CFAP52: variants seen among roughly 807,000 people sequenced by gnomAD.
The protein encoded by CFAP52 is cilia and flagella associated protein 52, also known as cilia- and flagella-associated protein 52.
A neutral mutation model predicts 70.5 loss-of-function variants in CFAP52; 57 were observed. The ratio of observed to expected loss-of-function variants is 0.81; its 90% confidence interval spans 0.65 to 1.01. CFAP52 has a LOEUF of 1.01. Ranked by LOEUF, CFAP52 falls within the 50% of genes least tolerant of loss-of-function variation. The probability of loss-of-function intolerance (pLI) is 0.00; values close to 1 mark genes in which losing one functional copy is unlikely to be tolerated. For synonymous variants in CFAP52, 267 were observed against 292.5 expected (o/e 0.91, Z 0.89); for missense variants, 785 against 788.5 (o/e 1.00, Z 0.05).
chr17:9,592,898 T>A (rs1018557077), intron 3 of CFAP52, among the ~76,000 whole-genome samples: 2 of 152,206 alleles, frequency 1.3e-5, no homozygotes, highest in African/African-American at 4.8e-5. Context: ...AGTCTTTGAT[T>A]TTTGGTTCAT....
chr17:9,614,679 G>A (rs1229829265), intron 8 of CFAP52, among the ~76,000 whole-genome samples: 1 of 152,068 alleles, frequency 6.6e-6, no homozygotes, highest in African/African-American at 2.4e-5. Context: ...CTCAACCTCC[G>A]CACTATTGAC....
chr17:9,586,628 A>G (rs1293533656), intron 2 of CFAP52, 70 bp from the exon 3 acceptor site: 14 of 1,483,860 alleles, frequency 9.4e-6, no homozygotes, highest in Admixed American at 2.5e-5. Flanking sequence ...TTTTTCACCA[A>G]GAAGGGTAGC....
chr17:9,586,885 T>G (rs1230072239), intron 3 of CFAP52, 51 bp downstream of exon 3: 2 of 1,523,688 alleles, frequency 1.3e-6, no homozygotes, highest in Admixed American at 4.4e-5. Context: ...TTAACTTTTA[T>G]TTCAGGTTCA....
At chr17:9,610,005 GAGAGAGACAGAGACAGAGAGAGAC>G (rs1909652412) in intron 7 of CFAP52, among the ~76,000 whole-genome samples, 1 of 152,042 alleles carries the variant, frequency 6.6e-6, no homozygotes, top group Non-Finnish European at 1.5e-5. Flanking sequence ...GAGAGAGAGA[GAGAGAGACAGAGACAGAGAGAGAC>G]AGAGAGAGAG....
intron 1 of CFAP52, among the ~76,000 whole-genome samples, chr17:9,579,437 T>C (rs1033765539): frequency 2.6e-5 from 4 of 152,266 alleles, no homozygotes; most frequent in South Asian, 2.1e-4. Flanking sequence ...AAAGAGAAGC[T>C]GGAATTAGAT....
chr17:9,638,362 G>A (rs1050253763), intron 11 of CFAP52, among the ~76,000 whole-genome samples: 3 of 152,118 alleles, frequency 2.0e-5, no homozygotes, highest in Non-Finnish European at 4.4e-5. Flanking sequence ...CTTTAGGAAA[G>A]GGCCCTTCCC....
Position 9,632,899 on chromosome 17 carries a change from G to A in CFAP52, c.1186G>A (p.Gly396Ser), listed in dbSNP as rs768614574. 2 of 1,614,070 alleles carry A rather than the reference G, an allele frequency of 1.2e-6. No individual in the cohort carries two copies. The highest frequency in any genetic ancestry group is 1.7e-6 in the Non-Finnish European group (2 of 1,179,990). The change falls in exon 10 of 14, where the codon GGT becomes AGT. Residue 396 changes from glycine to serine, a missense_variant. Coordinates refer to ENST00000352665, the MANE Select transcript of CFAP52 (RefSeq NM_145054.5). ...CCCTTTCATGCCAGCATGGAACGAC[G>A]GTAAAATCCGAGCCTTCGCCCCAGA... ...GKSIISAWNDGKIRAFAPETG... is the reference protein window; with the variant it reads ...GKSIISAWNDSKIRAFAPETG...
chr17:9,587,020 C>G (rs1436356019), intron 3 of CFAP52, among the ~76,000 whole-genome samples, 186 bp downstream of exon 3: 1 of 152,098 alleles, frequency 6.6e-6, no homozygotes, highest in Non-Finnish European at 1.5e-5. Flanking sequence ...TCTCCCTCTC[C>G]CACCCTCCAC....
At chr17:9,633,614 G>C (rs1372421933) in intron 10 of CFAP52, among the ~76,000 whole-genome samples, 1 of 152,032 alleles carries the variant, frequency 6.6e-6, no homozygotes, top group Non-Finnish European at 1.5e-5. Context: ...TGTTTTGCCA[G>C]TGTTTTGGCT....
chr17:9,628,894 T>C (rs2151947872), intron 9 of CFAP52, 74 bp downstream of exon 9: 3 of 1,594,654 alleles, frequency 1.9e-6, no homozygotes, highest in Non-Finnish European at 2.6e-6. Context: ...CCTCCCATAC[T>C]AGTCTCTACA....
intron 8 of CFAP52, among the ~76,000 whole-genome samples, chr17:9,623,794 C>G (rs539719072): frequency 3.9e-5 from 6 of 152,296 alleles, no homozygotes; most frequent in African/African-American, 1.4e-4. Flanking sequence ...CACCTGGTCT[C>G]AAGTGTTCCT....
Position 9,612,369 on chromosome 17 carries a change from T to C in CFAP52, c.915T>C (p.Phe305=), listed in dbSNP as rs765517839. 1.7e-5 allele frequency: 27 copies of C among 1,614,212 alleles called. No individual in the cohort carries two copies. The East Asian group carries it at 5.6e-4, about 33-fold the overall frequency. ...SITLRGEGHQ[F]LVGTEESHIY... ...CACTTCGAGGAGAAGGACACCAGTTTCTCGTAGGAACAGAAGAATCGCACA... is the reference window on the plus strand; with the variant it reads ...CACTTCGAGGAGAAGGACACCAGTTCCTCGTAGGAACAGAAGAATCGCACA... The change falls in exon 8 of 14, where the codon TTT becomes TTC. Residue 305 remains phenylalanine (F), a synonymous_variant. Coordinates refer to ENST00000352665, the MANE Select transcript of CFAP52 (RefSeq NM_145054.5).
chr17:9,636,610 C>G (rs1267380216), intron 11 of CFAP52, among the ~76,000 whole-genome samples: 2 of 152,130 alleles, frequency 1.3e-5, no homozygotes, highest in Non-Finnish European at 2.9e-5. Context: ...CCCTCTACCC[C>G]TCCTACGAGG....
chr17:9,600,237 A>G (rs1909209089), intron 6 of CFAP52, 54 bp downstream of exon 6: 7 of 1,462,636 alleles, frequency 4.8e-6, no homozygotes, highest in South Asian at 2.3e-5. Context: ...CACTGGCAGC[A>G]TGTACTTTTT....
At chr17:9,625,593 GC>G (rs1910206212) in intron 8 of CFAP52, among the ~76,000 whole-genome samples, 1 of 152,102 alleles carries the variant, frequency 6.6e-6, no homozygotes, top group African/African-American at 2.4e-5. Flanking sequence ...AGCTGGTAAC[GC>G]TATGGTTTTT....
At chr17:9,606,180 G>A (rs1909482000) in intron 6 of CFAP52, among the ~76,000 whole-genome samples, 1 of 152,110 alleles carries the variant, frequency 6.6e-6, no homozygotes, top group African/African-American at 2.4e-5. Flanking sequence ...GCTGGAGTTT[G>A]AGGCCAGCCT....
rs1567637989 is a variant in CFAP52 at position 9,638,604 on chromosome 17, T to G, written c.1473-5T>G. On this transcript the variant is annotated splice_region_variant and splice_polypyrimidine_tract_variant and intron_variant, in intron 11 of 13. Transcript: ENST00000352665. Reference sequence around the variant, plus strand: ...ACTTTCACAGCTTTTGAATCTACTTTCCAGGCGTCTCAGGAGGAATCAGAT... The same window carrying G: ...ACTTTCACAGCTTTTGAATCTACTTGCCAGGCGTCTCAGGAGGAATCAGAT... 2 of 1,613,648 alleles carry G rather than the reference T, an allele frequency of 1.2e-6. No homozygotes were observed. The highest frequency in any genetic ancestry group is 1.7e-5 in the Admixed American group (1 of 59,976).
chr17:9,583,950 G>A (rs891915557), intron 1 of CFAP52, among the ~76,000 whole-genome samples: 3 of 152,184 alleles, frequency 2.0e-5, no homozygotes, highest in Non-Finnish European at 4.4e-5. Context: ...CAGCAACCCA[G>A]GGGAGACAAT....
At chr17:9,612,228 T>A in intron 7 of CFAP52, 81 bp from the exon 8 acceptor site, 1 of 1,515,296 alleles carries the variant, frequency 6.6e-7, no homozygotes, top group Non-Finnish European at 9.0e-7. Context: ...GCCTGATTTG[T>A]ATCCTCTGCC....
Sources: gnomAD v4.1 joint callset for allele counts (sites outside exome capture counted in the v4.1 genomes callset) on GRCh38, gnomAD v4.1.1 for gene constraint, MANE v1.5 for transcripts, NCBI Gene and HGNC (gene_info 2026-07-23, HGNC 2026-07-21) for gene names.